SUN5: variants seen among roughly 807,000 people sequenced by gnomAD.
SUN5 encodes the protein SUN domain-containing protein 5.
A neutral mutation model predicts 53.7 loss-of-function variants in SUN5; 44 were observed. That is an observed-to-expected ratio of 0.82 (90% confidence interval 0.64 to 1.05). The LOEUF (loss-of-function observed/expected upper bound fraction) is 1.05, where lower values mean the gene tolerates loss of function less well. Ranked by LOEUF, SUN5 falls within the 50% of genes least tolerant of loss-of-function variation. The pLI is 0.00. For synonymous variants in SUN5, 166 were observed against 179.8 expected (o/e 0.92, Z 0.62); for missense variants, 433 against 483.8 (o/e 0.90, Z 0.98).
At chr20:32,994,333 T>C (rs958878978) in intron 8 of SUN5, among the ~76,000 whole-genome samples, 1 of 152,172 alleles carries the variant, frequency 6.6e-6, no homozygotes, top group Non-Finnish European at 1.5e-5. Flanking sequence ...GTATACAATG[T>C]TGAGAAACCA....
chr20:32,991,332 C>T (rs1257504799), intron 8 of SUN5, among the ~76,000 whole-genome samples: 1 of 152,166 alleles, frequency 6.6e-6, no homozygotes, highest in African/African-American at 2.4e-5. Flanking sequence ...ATGCAACACA[C>T]ATTTAGGGAG....
At chr20:32,995,529 T>G (rs1190125360) in intron 8 of SUN5, 90 bp downstream of exon 8, 2 of 1,139,860 alleles carry the variant, frequency 1.8e-6, no homozygotes, top group Non-Finnish European at 2.6e-6. Flanking sequence ...AAATGAGAGA[T>G]AAAACCAAGA....
chr20:32,985,135 A>C lies in SUN5; in HGVS notation c.948T>G (p.Phe316Leu). Residue 316 changes from phenylalanine to leucine, a missense_variant, in exon 12 of 13, where the codon TTT (phenylalanine) becomes TTG (leucine). Coordinates refer to ENST00000356173, the MANE Select transcript of SUN5 (RefSeq NM_080675.4). ...ACATCTGGATGATGTTTTCTGGCTG[A>C]AACTGAAATGCCCCCAGGAACACCT... ...KEEVFLGAFQFQPENIIQMFP... is the reference protein window; with the variant it reads ...KEEVFLGAFQLQPENIIQMFP... 6.2e-7 allele frequency: 1 copy of C among 1,614,086 alleles called. No individual in the cohort carries two copies. The highest frequency in any genetic ancestry group is 8.5e-7 in the Non-Finnish European group (1 of 1,179,988).
At chr20:32,996,170 G>T (rs1387061868) in intron 7 of SUN5, among the ~76,000 whole-genome samples, 154 bp downstream of exon 7, 1 of 152,174 alleles carries the variant, frequency 6.6e-6, no homozygotes, top group Admixed American at 6.5e-5. Flanking sequence ...TAGGTGACTT[G>T]CCTAAGGTCA....
chr20:32,989,139 A>T (rs1177533252), intron 9 of SUN5, among the ~76,000 whole-genome samples: 4 of 151,190 alleles, frequency 2.6e-5, no homozygotes, highest in African/African-American at 9.8e-5. Context: ...GTTAGCCAGG[A>T]TGGTCTCGAT....
chr20:32,985,631 C>T, intron 11 of SUN5, 105 bp downstream of exon 11: 1 of 1,408,196 alleles, frequency 7.1e-7, no homozygotes, highest in Non-Finnish European at 9.7e-7. Flanking sequence ...TCAGCCCCTC[C>T]AGCCTGCAAG....
At chr20:33,000,258 G>T in intron 4 of SUN5, 123 bp from the exon 5 acceptor site, 1 of 1,174,794 alleles carries the variant, frequency 8.5e-7, no homozygotes, top group Non-Finnish European at 1.2e-6. Flanking sequence ...TTCTCTCCCT[G>T]GTAAACGTGT....
chr20:32,987,993 C>A (rs551843622), intron 9 of SUN5, among the ~76,000 whole-genome samples: 1 of 152,224 alleles, frequency 6.6e-6, no homozygotes, highest in East Asian at 1.9e-4. Context: ...GAGTCTTGCT[C>A]AGTCCCCAGG....
Position 33,004,352 on chromosome 20 carries a change from T to C in SUN5, c.-12A>G. 1 of 1,552,302 alleles carries C rather than the reference T, an allele frequency of 6.4e-7. No homozygotes were observed. The highest frequency in any genetic ancestry group is 8.7e-7 in the Non-Finnish European group (1 of 1,147,828). The stretch of plus-strand genomic sequence containing the variant: ...GAGGACCGTGGCATCGATTTCCTTC[T>C]TTAGGATTGGGGATGGAGATGGGAA... On this transcript the variant is annotated 5_prime_UTR_variant, in exon 1 of 13. Transcript: ENST00000356173.
intron 9 of SUN5, among the ~76,000 whole-genome samples, chr20:32,988,966 C>T (rs1989625157): frequency 6.6e-6 from 1 of 151,756 alleles, no homozygotes; most frequent in Non-Finnish European, 1.5e-5. Flanking sequence ...CTCTCTGTCG[C>T]CCAGGCTGGA....
At chr20:32,997,552 T>G in intron 6 of SUN5, 86 bp downstream of exon 6, 1 of 1,491,948 alleles carries the variant, frequency 6.7e-7, no homozygotes. Flanking sequence ...CCCCATTTGG[T>G]GAGAATGAAT....
Position 33,000,073 on chromosome 20 carries a change from C to A in SUN5, c.340+1G>T. 6.2e-7 allele frequency: 1 copy of A among 1,608,810 alleles called. No homozygotes were observed. The highest frequency in any genetic ancestry group is 8.5e-7 in the Non-Finnish European group (1 of 1,178,494). The stretch of plus-strand genomic sequence containing the variant: ...GGACTGGGCAGGGCCCTGGGACACA[C>A]CGAAAGCACAGAGGAGCAGAATGCC... On this transcript the variant is annotated splice_donor_variant, in intron 5 of 12. Transcript: ENST00000356173. LOFTEE classifies it high-confidence loss of function.
intron 8 of SUN5, 87 bp downstream of exon 8, chr20:32,995,532 A>G (rs1398512909): frequency 3.4e-6 from 4 of 1,175,240 alleles, no homozygotes; most frequent in African/African-American, 1.5e-5. Flanking sequence ...TGAGAGATAA[A>G]ACCAAGAAAG....
chr20:32,989,172 G>A (rs112048600), intron 9 of SUN5, among the ~76,000 whole-genome samples: 333 of 151,100 alleles, frequency 2.2e-3, no homozygotes, highest in African/African-American at 7.8e-3. Context: ...TGATCTGCCC[G>A]CCTTGGCCTC....
At chr20:32,999,920 C>T in intron 5 of SUN5, 154 bp downstream of exon 5, 1 of 1,550,022 alleles carries the variant, frequency 6.5e-7, no homozygotes, top group South Asian at 1.2e-5. Context: ...TTTTCATGGT[C>T]ATCATTTCAT....
At chr20:32,984,370 C>T (rs547434143) in intron 12 of SUN5, among the ~76,000 whole-genome samples, 9 of 152,286 alleles carry the variant, frequency 5.9e-5, no homozygotes, top group South Asian at 2.1e-4. Flanking sequence ...CACAGACTCC[C>T]GGCACATAGT....
chr20:32,996,323 C>T lies in SUN5; in HGVS notation c.425+1G>A, dbSNP rs763090019. ...ATGGTTACCCAGAAGATTCCTCTTA[C>T]CTCAAGCTCTGCAGTGGACCATTTA... On this transcript the variant is annotated splice_donor_variant, in intron 7 of 12. Transcript: ENST00000356173. LOFTEE classifies it high-confidence loss of function. The T allele has an allele frequency of 1.1e-5, 18 of 1,613,352 alleles. No individual in the cohort carries two copies. The highest frequency in any genetic ancestry group is 8.9e-5 in the East Asian group (4 of 44,844).
chr20:32,997,628 G>A lies in SUN5; in HGVS notation c.390+10C>T, dbSNP rs1989887741. ...GTCAGCTGTGGGGCCTGAGGAGGGTGCACACTCACCTGCCAGACTTTCATT... is the reference window on the plus strand; with the variant it reads ...GTCAGCTGTGGGGCCTGAGGAGGGTACACACTCACCTGCCAGACTTTCATT... On this transcript the variant is annotated intron_variant, in intron 6 of 12. Transcript: ENST00000356173. 1 of 1,613,752 alleles carries A rather than the reference G, an allele frequency of 6.2e-7. No homozygotes were observed. Among genetic ancestry groups the A allele is most frequent in the Non-Finnish European group, 8.5e-7 (1 of 1,179,804 alleles).
At chr20:32,996,174 A>G in intron 7 of SUN5, 150 bp downstream of exon 7, 1 of 687,700 alleles carries the variant, frequency 1.5e-6, no homozygotes, top group Non-Finnish European at 2.4e-6. Flanking sequence ...TGACTTGCCT[A>G]AGGTCAGCCA....
Sources: allele counts gnomAD v4.1 joint callset (sites outside exome capture counted in the v4.1 genomes callset), GRCh38; gene constraint gnomAD v4.1.1; transcripts MANE v1.5; gene names NCBI Gene and HGNC (gene_info 2026-07-23, HGNC 2026-07-21).